The following LRRC7 variants were observed in gnomAD, a reference collection of about 807,000 sequenced individuals.
LRRC7 encodes leucine rich repeat containing 7.
A neutral mutation model predicts 175.7 loss-of-function variants in LRRC7; 23 were observed. The ratio of observed to expected loss-of-function variants is 0.13; its 90% confidence interval spans 0.09 to 0.19. LRRC7 has a LOEUF of 0.19. Among genes scored for constraint, LRRC7 ranks in the 10% least tolerant of loss-of-function variants. The pLI is 1.00. For synonymous variants in LRRC7, 685 were observed against 680.9 expected, an observed-to-expected ratio of 1.01 and a Z score of -0.09; for missense variants, 1,354 against 1,904.7, an observed-to-expected ratio of 0.71 and a Z score of 5.38.
At position 70,131,967 on chromosome 1, in the gene LRRC7, G is replaced by A. The variant is rs1571399907; in HGVS notation, c.*10080G>A. 6.6e-6 allele frequency among the ~76,000 whole-genome samples: 1 copy of A among 152,150 alleles called. No homozygotes were observed. Among genetic ancestry groups the A allele is most frequent in the African/African-American group, 2.4e-5 (1 of 41,436 alleles). On this transcript the variant is annotated 3_prime_UTR_variant, in exon 27 of 27. Transcript: ENST00000651989. ...TTAGAATAATGAGAATAATGAGTGA[G>A]TAAGGAACAAGAACAGACTAGGGCT...
intron 22 of LRRC7, among the ~76,000 whole-genome samples, chr1:70,048,255 A>G (rs1241013555): frequency 6.6e-6 from 1 of 152,118 alleles, no homozygotes; most frequent in African/African-American, 2.4e-5. Context: ...ATTTATTGAG[A>G]ATCTACTATG....
intron 2 of LRRC7, among the ~76,000 whole-genome samples, chr1:69,687,058 C>T (rs1030535905): frequency 8.6e-5 from 13 of 152,018 alleles, no homozygotes; most frequent in African/African-American, 1.4e-4. Context: ...TGTATGTATT[C>T]GATTTAATTT....
chr1:69,926,633 C>T (rs1647082612), intron 7 of LRRC7, among the ~76,000 whole-genome samples: 1 of 151,270 alleles, frequency 6.6e-6, no homozygotes, highest in Non-Finnish European at 1.5e-5. Context: ...ATTGCAACCC[C>T]TGCCTTTTTT....
At chr1:69,678,337 C>CA (rs769315825) in intron 1 of LRRC7, 44 bp from the exon 2 acceptor site, 163 of 1,334,720 alleles carry the variant, frequency 1.2e-4, no homozygotes, top group Non-Finnish European at 1.4e-4. Context: ...AACATTTATC[C>CA]AAAAAAAAGA....
intron 2 of LRRC7, 25 bp downstream of exon 2, chr1:69,678,503 T>C (rs771553321): frequency 1.3e-6 from 2 of 1,539,492 alleles, no homozygotes; most frequent in Non-Finnish European, 8.9e-7. Flanking sequence ...TAGGATTACC[T>C]GTGTTCTAGA....
At chr1:69,687,301 G>A (rs1372243048) in intron 2 of LRRC7, among the ~76,000 whole-genome samples, 1 of 151,972 alleles carries the variant, frequency 6.6e-6, no homozygotes, top group Non-Finnish European at 1.5e-5. Context: ...CAGAGGTCGG[G>A]AATTCGACAC....
At chr1:69,686,554 T>C (rs1385602853) in intron 2 of LRRC7, among the ~76,000 whole-genome samples, 5 of 152,168 alleles carry the variant, frequency 3.3e-5, no homozygotes, top group African/African-American at 1.2e-4. Flanking sequence ...AAGTTACGTA[T>C]ATTGTAATAC....
At chr1:70,104,340 G>T (rs1490463386) in intron 25 of LRRC7, among the ~76,000 whole-genome samples, 1 of 152,162 alleles carries the variant, frequency 6.6e-6, no homozygotes, top group Non-Finnish European at 1.5e-5. Context: ...ACCACAAAAT[G>T]GGTTTAGATT....
intron 7 of LRRC7, chr1:69,873,373 C>T: frequency 1.9e-6 from 1 of 530,586 alleles, no homozygotes; most frequent in Non-Finnish European, 3.9e-6. Context: ...CTTTCTACCT[C>T]CCTGTACTGT....
chr1:69,618,716 A>T (rs1028757444), intron 1 of LRRC7, among the ~76,000 whole-genome samples: 1 of 152,138 alleles, frequency 6.6e-6, no homozygotes, highest in African/African-American at 2.4e-5. Context: ...ATTCTACTTA[A>T]AACAGCAATA....
intron 6 of LRRC7, 37 bp downstream of exon 6, chr1:69,834,906 C>A: frequency 6.6e-7 from 1 of 1,524,482 alleles, no homozygotes; most frequent in Non-Finnish European, 9.1e-7. Flanking sequence ...AATTATATCT[C>A]ACCTTAGGTA....
intron 8 of LRRC7, among the ~76,000 whole-genome samples, chr1:69,979,557 A>T (rs1424330768): frequency 6.6e-6 from 1 of 152,146 alleles, no homozygotes; most frequent in African/African-American, 2.4e-5. Flanking sequence ...TTAGTTATTT[A>T]TAAATATTTC....
At chr1:69,701,224 G>C (rs1164611202) in intron 2 of LRRC7, among the ~76,000 whole-genome samples, 2 of 152,162 alleles carry the variant, frequency 1.3e-5, no homozygotes, top group East Asian at 3.9e-4. Context: ...GAACATATCA[G>C]TGAGAATACC....
intron 3 of LRRC7, among the ~76,000 whole-genome samples, chr1:69,772,719 C>T (rs755986360): frequency 2.0e-5 from 3 of 151,810 alleles, no homozygotes; most frequent in Non-Finnish European, 4.4e-5. Context: ...GCAAAGTTAA[C>T]AAAATTTGAT....
chr1:70,142,787 T>G lies in LRRC7; in HGVS notation c.*20900T>G, dbSNP rs113255264. The G allele has an allele frequency of 1.3e-5, 2 of 152,216 alleles. 1 individual carries two copies. The highest frequency in any genetic ancestry group is 4.8e-5 in the African/African-American group (2 of 41,558). 9.4% of individuals were successfully genotyped at this position (152,216 alleles called of 1,614,324 possible). ...CATAACATGAACTAGGGTCTTTCTA[T>G]TCAAAAAAGAAATATTAAACTAACA... On this transcript the variant is annotated 3_prime_UTR_variant, in exon 27 of 27. Transcript: ENST00000651989.
At chr1:69,913,128 T>C (rs888512683) in intron 7 of LRRC7, among the ~76,000 whole-genome samples, 2 of 152,196 alleles carry the variant, frequency 1.3e-5, no homozygotes, top group African/African-American at 2.4e-5. Flanking sequence ...AATTATATAT[T>C]TTCAATGTTT....
intron 7 of LRRC7, among the ~76,000 whole-genome samples, chr1:69,840,710 A>C (rs1462243568): frequency 6.6e-6 from 1 of 152,052 alleles, no homozygotes; most frequent in Non-Finnish European, 1.5e-5. Flanking sequence ...ATTCCTCTAC[A>C]TACATCAAGG....
At chr1:69,640,547 A>G (rs1001525360) in intron 1 of LRRC7, among the ~76,000 whole-genome samples, 1 of 151,198 alleles carries the variant, frequency 6.6e-6, no homozygotes, top group African/African-American at 2.4e-5. Flanking sequence ...CAATCATTAA[A>G]CATAGATATT....
intron 3 of LRRC7, among the ~76,000 whole-genome samples, chr1:69,778,113 G>A (rs1673023025): frequency 1.3e-5 from 2 of 152,122 alleles, no homozygotes; most frequent in African/African-American, 4.8e-5. Flanking sequence ...TCCTCTGCCT[G>A]GCATGCTACT....
Sources: allele counts gnomAD v4.1 joint callset (sites outside exome capture counted in the v4.1 genomes callset), GRCh38; gene constraint gnomAD v4.1.1; transcripts MANE v1.5; gene names NCBI Gene and HGNC (gene_info 2026-07-23, HGNC 2026-07-21).